The following PIK3R3 variants were observed in gnomAD, a reference collection of about 807,000 sequenced individuals.
PIK3R3 encodes phosphoinositide-3-kinase regulatory subunit 3.
A neutral mutation model predicts 62.9 loss-of-function variants in PIK3R3; 64 were observed. That is an observed-to-expected ratio of 1.02 (90% CI 0.83 to 1.25). The LOEUF is 1.25. Among genes scored for constraint, PIK3R3 ranks in the 50% most tolerant of loss-of-function variants. The pLI is 0.00. For synonymous variants in PIK3R3, 165 were observed against 189.0 expected (o/e 0.87, Z 1.04); for missense variants, 614 against 561.6 (o/e 1.09, Z -0.94).
At chr1:46,059,972 C>T (rs1030255209) in intron 6 of PIK3R3, among the ~76,000 whole-genome samples, 7 of 151,646 alleles carry the variant, frequency 4.6e-5, no homozygotes, top group South Asian at 2.1e-4. Context: ...TGGTGGCATG[C>T]ACCTATAATC....
intron 5 of PIK3R3, 34 bp downstream of exon 5, chr1:46,066,020 C>T (rs201413628): frequency 1.3e-6 from 2 of 1,585,712 alleles, no homozygotes; most frequent in Non-Finnish European, 1.7e-6. Context: ...AAACATTGCA[C>T]ACATATTAGT....
rs41285908 is a variant in PIK3R3, at chr1:46,046,404, C to A, written c.1016+147G>T. 3 of 647,906 alleles carry A rather than the reference C, an allele frequency of 4.6e-6. No homozygotes were observed. In the East Asian group the frequency reaches 8.1e-5, roughly 18 times the overall value. 40.1% of individuals were successfully genotyped at this position (647,906 alleles called of 1,614,324 possible). A position where few individuals can be genotyped will look rare whatever the true frequency, so the allele number is the denominator to read the frequency against. On this transcript the variant is annotated intron_variant, in intron 8 of 9. Transcript: ENST00000262741. ...AACTCCAGTGCCTATAGGGTACCTTCAGGCAATTCAATTCAAAAGATAGTC... is the reference window on the plus strand; with the variant it reads ...AACTCCAGTGCCTATAGGGTACCTTAAGGCAATTCAATTCAAAAGATAGTC...
rs1655712811 is a variant in PIK3R3 at position 46,132,569 on chromosome 1, G to A, written c.-617C>T. 5 of 1,284,298 alleles carry A rather than the reference G, an allele frequency of 3.9e-6. No homozygotes were observed. Among genetic ancestry groups the A allele is most frequent in the Admixed American group, 4.7e-5 (2 of 42,924 alleles). The allele number at this position is 1,284,298 out of a possible 1,614,324, so 79.6% of individuals were successfully genotyped here. On this transcript the variant is annotated 5_prime_UTR_variant, in exon 1 of 10. Transcript: ENST00000262741. ...AAGTCCAGTCAGCTCGGCTTGTCTG[G>A]GCGCTCCCGCCGGGGTGTAAGAACC...
At chr1:46,170,440 G>C in the PIK3R3 span, among the ~76,000 whole-genome samples, 2 of 151,954 alleles carry the variant, frequency 1.3e-5, no homozygotes, top group Non-Finnish European at 2.9e-5. Context: ...TTTGTTTTGA[G>C]ACAAAGTCTA....
the PIK3R3 span, among the ~76,000 whole-genome samples, chr1:46,174,827 A>C: frequency 1.3e-5 from 2 of 152,124 alleles, no homozygotes; most frequent in Admixed American, 6.5e-5. Flanking sequence ...CAGTTCTGGA[A>C]AACACTGACC....
chr1:46,156,178 C>A, the PIK3R3 span, among the ~76,000 whole-genome samples: 9 of 152,000 alleles, frequency 5.9e-5, no homozygotes, highest in African/African-American at 1.7e-4. Context: ...CCTGGTTTTT[C>A]TCATAGAACA....
intron 1 of PIK3R3, among the ~76,000 whole-genome samples, chr1:46,123,738 T>C (rs143818798): frequency 6.6e-6 from 1 of 152,316 alleles, no homozygotes; most frequent in Non-Finnish European, 1.5e-5. Context: ...TTCCTGTCTG[T>C]AGAGTGGGAT....
intron 1 of PIK3R3, among the ~76,000 whole-genome samples, chr1:46,118,709 C>T (rs1654404274): frequency 6.6e-6 from 1 of 151,976 alleles, no homozygotes; most frequent in Admixed American, 6.6e-5. Flanking sequence ...GCGCCCACCA[C>T]CACACCCAGC....
chr1:46,165,903 T>A, the PIK3R3 span, among the ~76,000 whole-genome samples: 1 of 151,334 alleles, frequency 6.6e-6, no homozygotes, highest in South Asian at 2.1e-4. Context: ...CCCGAGTAGC[T>A]GGGACTACAG....
chr1:46,094,487 G>A (rs972257395), intron 1 of PIK3R3, among the ~76,000 whole-genome samples: 8 of 152,012 alleles, frequency 5.3e-5, no homozygotes, highest in African/African-American at 2.4e-5. Flanking sequence ...AGAGAAAAAA[G>A]ACAAAAAACA....
At chr1:46,133,153 G>A, upstream of PIK3R3, 1 of 339,734 alleles carries the variant, frequency 2.9e-6, no homozygotes, top group South Asian at 1.0e-4. Context: ...GTAAGGCGGC[G>A]ATTGGTCAGA....
chr1:46,116,124 T>C (rs1183879518), intron 1 of PIK3R3, among the ~76,000 whole-genome samples: 1 of 152,212 alleles, frequency 6.6e-6, no homozygotes, highest in Non-Finnish European at 1.5e-5. Context: ...AATACTTAAA[T>C]TACTTTTCAA....
the PIK3R3 span, among the ~76,000 whole-genome samples, chr1:46,153,502 G>C: frequency 6.6e-6 from 1 of 152,190 alleles, no homozygotes; most frequent in Non-Finnish European, 1.5e-5. Context: ...AATGTTTTCT[G>C]TCCTGGCTGC....
intron 3 of PIK3R3, among the ~76,000 whole-genome samples, chr1:46,075,406 G>C (rs1162975622): frequency 1.3e-5 from 2 of 152,126 alleles, no homozygotes; most frequent in Non-Finnish European, 2.9e-5. Context: ...TTGAGCCCAG[G>C]AGTTTTGAGA....
intron 1 of PIK3R3, among the ~76,000 whole-genome samples, chr1:46,103,806 G>A (rs972044562): frequency 6.6e-6 from 1 of 151,962 alleles, no homozygotes; most frequent in African/African-American, 2.4e-5. Flanking sequence ...ATGTTGGCCA[G>A]GCTGGTCTCA....
In PIK3R3 at chr1:46,065,643, C is replaced by T. The variant is rs190459030; in HGVS notation, c.621+411G>A. Among the ~76,000 whole-genome samples the T allele has an allele frequency of 1.5e-3, 223 of 152,314 alleles. 2 individuals carry two copies. The highest frequency in any genetic ancestry group is 1.7e-3 in the Non-Finnish European group (116 of 68,018). On this transcript the variant is annotated intron_variant, in intron 5 of 9. Transcript: ENST00000262741. Reference sequence around the variant, plus strand: ...TAAAGATAGAGAACCTTCCTTTCTCCTTCCTATTCTTACTTCCTGTTTACT... The same window carrying T: ...TAAAGATAGAGAACCTTCCTTTCTCTTTCCTATTCTTACTTCCTGTTTACT...
intron 1 of PIK3R3, among the ~76,000 whole-genome samples, chr1:46,113,361 C>T (rs1486048154): frequency 6.6e-6 from 1 of 150,400 alleles, no homozygotes; most frequent in Non-Finnish European, 1.5e-5. Context: ...GTGCAATGAC[C>T]CAATCATAGT....
intron 1 of PIK3R3, among the ~76,000 whole-genome samples, chr1:46,128,201 G>A (rs918713650): frequency 3.3e-5 from 5 of 152,182 alleles, no homozygotes; most frequent in African/African-American, 9.7e-5. Context: ...TTGGGAGTCC[G>A]AGGTGGGCAG....
chr1:46,074,306 A>AAC lies in PIK3R3; in HGVS notation c.314+3208_314+3209insGT. On this transcript the variant is annotated intron_variant, in intron 3 of 9. Transcript: ENST00000262741. ...TCCGTCAAAAAAAAAAAAAAAAAAA[A>AAC]AAAAAAAAAAACCAATAAATTCAGC... Among the ~76,000 whole-genome samples, 2 of 146,120 alleles carry AAC rather than the reference A, an allele frequency of 1.4e-5. 1 individual carries two copies. Among genetic ancestry groups the AAC allele is most frequent in the Non-Finnish European group, 3.0e-5 (2 of 66,750 alleles).
Sources: gnomAD v4.1 joint callset for allele counts (sites outside exome capture counted in the v4.1 genomes callset) on GRCh38, gnomAD v4.1.1 for gene constraint, MANE v1.5 for transcripts, NCBI Gene and HGNC (gene_info 2026-07-23, HGNC 2026-07-21) for gene names.